The following LRRC4C variants were observed in gnomAD, a reference collection of about 807,000 sequenced individuals.
The protein encoded by LRRC4C is leucine rich repeat containing 4C, also known as leucine-rich repeat-containing protein 4C.
LRRC4C carries 5 observed loss-of-function variants against 33.6 expected under a neutral mutation model. The observed-to-expected ratio is 0.15, with a 90% CI of 0.08 to 0.31. LRRC4C has a LOEUF of 0.31. LRRC4C is among the 10% of genes least tolerant of loss of function. The pLI is 1.00. For synonymous variants in LRRC4C, 329 were observed against 302.0 expected, an observed-to-expected ratio of 1.09 and a Z score of -0.93; for missense variants, 560 against 796.7, an observed-to-expected ratio of 0.70 and a Z score of 3.58.
In LRRC4C at chr11:41,341,160, G is replaced by T. The variant is rs1344189749; in HGVS notation, c.-496+118271C>A. Among the ~76,000 whole-genome samples, 195 of 151,910 alleles carry T rather than the reference G, an allele frequency of 1.3e-3. 4 individuals are homozygous for T. The highest frequency in any genetic ancestry group is 4.0e-4 in the Non-Finnish European group (27 of 67,974). On this transcript the variant is annotated intron_variant, in intron 1 of 6. Coordinates refer to ENST00000528697, the MANE Select transcript of LRRC4C (RefSeq NM_001258419.2). ...AATCTAGGTATGAAAGTAATAGTGT[G>T]TTAGGTGAGGATGTTACTTAAGAAA...
chr11:41,306,588 C>T (rs7119761), intron 1 of LRRC4C, among the ~76,000 whole-genome samples: 26,499 of 152,048 alleles, frequency 0.17, 2,901 homozygotes, highest in East Asian at 0.43. Context: ...AGACACAGTC[C>T]CTGAACTCAT....
intron 1 of LRRC4C, among the ~76,000 whole-genome samples, chr11:41,447,886 C>G (rs1281967440): frequency 6.6e-6 from 1 of 152,088 alleles, no homozygotes; most frequent in Non-Finnish European, 1.5e-5. Flanking sequence ...TCTTAGCAGC[C>G]TCACCTTTGT....
rs190136118 is a variant in LRRC4C at position 41,421,665 on chromosome 11, C to T, written c.-496+37766G>A. Among the ~76,000 whole-genome samples the T allele has an allele frequency of 3.1e-3, 473 of 152,044 alleles. 3 individuals are homozygous for T. Among genetic ancestry groups the T allele is most frequent in the African/African-American group, 0.01 (433 of 41,498 alleles). On this transcript the variant is annotated intron_variant, in intron 1 of 6. Transcript: ENST00000528697. ...TTTCTTCTTCCACATCCCAAGTTTA[C>T]GTAGATCAAAAAGACACTGCATGGC...
intron 1 of LRRC4C, among the ~76,000 whole-genome samples, chr11:41,402,245 G>A (rs1255965788): frequency 6.6e-6 from 1 of 151,972 alleles, no homozygotes; most frequent in Non-Finnish European, 1.5e-5. Flanking sequence ...TTCAAACAAT[G>A]ATGAAAGCCT....
chr11:40,897,085 T>G (rs1336537764), intron 2 of LRRC4C, among the ~76,000 whole-genome samples: 1 of 152,232 alleles, frequency 6.6e-6, no homozygotes, highest in East Asian at 1.9e-4. Flanking sequence ...AAATTTGCAA[T>G]GACTATTCAG....
intron 1 of LRRC4C, among the ~76,000 whole-genome samples, chr11:41,425,989 A>G (rs1432530831): frequency 1.3e-5 from 2 of 152,190 alleles, no homozygotes; most frequent in Non-Finnish European, 2.9e-5. Flanking sequence ...CAGTGAATCA[A>G]AAACACTCTT....
At chr11:40,641,579 T>C (rs1942122681) in intron 3 of LRRC4C, among the ~76,000 whole-genome samples, 1 of 152,188 alleles carries the variant, frequency 6.6e-6, no homozygotes, top group Non-Finnish European at 1.5e-5. Context: ...TCAAAGTTGA[T>C]GCGAAGAGTT....
intron 3 of LRRC4C, among the ~76,000 whole-genome samples, chr11:40,640,655 T>C (rs1942051931): frequency 6.6e-6 from 1 of 152,148 alleles, no homozygotes; most frequent in Admixed American, 6.5e-5. Flanking sequence ...TACCAATATA[T>C]ATTTTTAAAT....
At chr11:40,396,717 A>AT (rs967253753) in intron 3 of LRRC4C, among the ~76,000 whole-genome samples, 1 of 152,200 alleles carries the variant, frequency 6.6e-6, no homozygotes, top group African/African-American at 2.4e-5. Context: ...AATAACATAC[A>AT]TTTTTTAAAA....
intron 1 of LRRC4C, among the ~76,000 whole-genome samples, chr11:41,182,267 G>T (rs1945486309): frequency 6.6e-6 from 1 of 152,140 alleles, no homozygotes; most frequent in African/African-American, 2.4e-5. Context: ...ATTTCCAGTT[G>T]TGTTCACTCA....
intron 3 of LRRC4C, among the ~76,000 whole-genome samples, chr11:40,358,622 G>A (rs746888075): frequency 1.3e-5 from 2 of 152,050 alleles, no homozygotes; most frequent in Non-Finnish European, 2.9e-5. Flanking sequence ...ATACTAAGCT[G>A]CCTGCGTATT....
At chr11:40,518,616 C>T (rs757044671) in intron 3 of LRRC4C, among the ~76,000 whole-genome samples, 7 of 151,972 alleles carry the variant, frequency 4.6e-5, no homozygotes, top group Non-Finnish European at 7.4e-5. Context: ...ATAATGGAGA[C>T]GATATGGAGA....
At chr11:40,457,234 A>G (rs1952179956) in intron 3 of LRRC4C, among the ~76,000 whole-genome samples, 2 of 152,046 alleles carry the variant, frequency 1.3e-5, no homozygotes, top group Non-Finnish European at 2.9e-5. Flanking sequence ...AACAATTATA[A>G]AAAAATTTAA....
At chr11:40,318,853 T>A (rs1418677763) in intron 4 of LRRC4C, among the ~76,000 whole-genome samples, 2 of 152,206 alleles carry the variant, frequency 1.3e-5, no homozygotes, top group Non-Finnish European at 2.9e-5. Flanking sequence ...ATCTGCTCTG[T>A]GATAGCACAC....
At chr11:40,697,780 C>T (rs1375815815) in intron 2 of LRRC4C, among the ~76,000 whole-genome samples, 1 of 151,974 alleles carries the variant, frequency 6.6e-6, no homozygotes, top group Non-Finnish European at 1.5e-5. Context: ...TGTTATTTTA[C>T]AAAAATTGGC....
intron 1 of LRRC4C, among the ~76,000 whole-genome samples, chr11:41,343,631 C>T (rs866707337): frequency 2.0e-5 from 3 of 152,096 alleles, no homozygotes; most frequent in Admixed American, 6.6e-5. Flanking sequence ...CTGGTCCAAC[C>T]CAGTAGGAAA....
At chr11:40,403,668 G>A (rs1445829879) in intron 3 of LRRC4C, among the ~76,000 whole-genome samples, 1 of 152,032 alleles carries the variant, frequency 6.6e-6, no homozygotes, top group Non-Finnish European at 1.5e-5. Flanking sequence ...GTTCCTTGTT[G>A]AAGGAAACCA....
At chr11:40,787,354 G>A (rs1043131867) in intron 2 of LRRC4C, among the ~76,000 whole-genome samples, 2 of 152,176 alleles carry the variant, frequency 1.3e-5, no homozygotes, top group African/African-American at 2.4e-5. Flanking sequence ...GTGAATTGTG[G>A]CAGTTACTAT....
At chr11:41,327,855 C>T (rs1401573762) in intron 1 of LRRC4C, among the ~76,000 whole-genome samples, 3 of 152,206 alleles carry the variant, frequency 2.0e-5, no homozygotes, top group Non-Finnish European at 4.4e-5. Flanking sequence ...TCCTCCTTTT[C>T]ACCTTCCACC....
Sources: allele counts gnomAD v4.1 joint callset (sites outside exome capture counted in the v4.1 genomes callset), GRCh38; gene constraint gnomAD v4.1.1; transcripts MANE v1.5; gene names NCBI Gene and HGNC (gene_info 2026-07-23, HGNC 2026-07-21).